The following ADCY8 variants were observed in gnomAD, a reference collection of about 807,000 sequenced individuals.
ADCY8 encodes adenylate cyclase 8.
Under a neutral mutation model 119.7 loss-of-function variants are expected in ADCY8, and 51 were observed. That is an observed-to-expected ratio of 0.43 (90% CI 0.34 to 0.54). ADCY8 has a LOEUF of 0.54. Among genes scored for constraint, ADCY8 ranks in the 20% least tolerant of loss-of-function variants. The pLI is 0.03. For missense variants in ADCY8, 1,383 were observed against 1,598.8 expected (o/e 0.87, Z 2.30); for synonymous variants, 665 against 651.0 (o/e 1.02, Z -0.33).
chr8:130,897,871 A>G (rs1819457665), intron 7 of ADCY8, among the ~76,000 whole-genome samples: 1 of 151,258 alleles, frequency 6.6e-6, no homozygotes, highest in South Asian at 2.1e-4. Flanking sequence ...AACACCACAC[A>G]CATACACCAC....
rs554716130 is a variant in ADCY8 at position 130,856,095 on chromosome 8, C to T, written c.2211-6292G>A. The stretch of plus-strand genomic sequence containing the variant: ...ATCCTTCTCAGTCTTTTTCCATGAC[C>T]TGGTGAGCTCCTTTAGGAGCCAGGT... On this transcript the variant is annotated intron_variant, in intron 9 of 17. Coordinates refer to ENST00000286355, the MANE Select transcript of ADCY8 (RefSeq NM_001115.3). 1.8e-4 allele frequency among the ~76,000 whole-genome samples: 27 copies of T among 152,116 alleles called. No homozygotes were observed. The South Asian group carries it at 5.6e-3, about 32-fold the overall frequency.
intron 6 of ADCY8, among the ~76,000 whole-genome samples, chr8:130,908,999 C>CTTTT (rs1367753893): frequency 1.6e-4 from 24 of 150,108 alleles, no homozygotes; most frequent in Non-Finnish European, 3.3e-4. Flanking sequence ...CTCTCTCTCT[C>CTTTT]TCTCTCTCTC....
chr8:130,981,993 A>G (rs1308612999), intron 2 of ADCY8, among the ~76,000 whole-genome samples: 2 of 152,236 alleles, frequency 1.3e-5, no homozygotes, highest in Non-Finnish European at 2.9e-5. Flanking sequence ...GTGTACACAC[A>G]GTCACCCAGA....
chr8:130,924,060 G>A (rs1820391472), intron 5 of ADCY8, among the ~76,000 whole-genome samples: 1 of 152,222 alleles, frequency 6.6e-6, no homozygotes, highest in African/African-American at 2.4e-5. Flanking sequence ...TCAGGCATCA[G>A]TAGCAATTGC....
chr8:130,822,501 T>A (rs967111965), intron 12 of ADCY8, among the ~76,000 whole-genome samples: 1 of 152,016 alleles, frequency 6.6e-6, no homozygotes, highest in South Asian at 2.1e-4. Flanking sequence ...GAGTCATCCA[T>A]CCATTCATGA....
rs1440249482 is a variant in ADCY8 at position 130,844,955 on chromosome 8, T to G, written c.2502+2469A>C. Among the ~76,000 whole-genome samples the G allele has an allele frequency of 2.0e-5, 3 of 152,228 alleles. No individual in the cohort carries two copies. In the East Asian group the frequency reaches 5.8e-4, roughly 29 times the overall value. The stretch of plus-strand genomic sequence containing the variant: ...TACAGGTGTTTGACGATAACATACA[T>G]TGGCATTACATGCTCAAAGCCCTTT... On this transcript the variant is annotated intron_variant, in intron 11 of 17. Transcript: ENST00000286355.
At chr8:130,924,350 A>G (rs937700056) in intron 5 of ADCY8, among the ~76,000 whole-genome samples, 3 of 152,216 alleles carry the variant, frequency 2.0e-5, no homozygotes, top group Non-Finnish European at 4.4e-5. Context: ...CTGCTTATCC[A>G]TGAAGAACAG....
intron 3 of ADCY8, among the ~76,000 whole-genome samples, chr8:130,945,536 G>A (rs1182097479): frequency 6.6e-6 from 1 of 152,196 alleles, no homozygotes; most frequent in Non-Finnish European, 1.5e-5. Flanking sequence ...GGAGATAACT[G>A]GCATACTTGC....
At chr8:130,841,265 G>T (rs1200478317) in intron 11 of ADCY8, among the ~76,000 whole-genome samples, 2 of 152,148 alleles carry the variant, frequency 1.3e-5, no homozygotes, top group African/African-American at 4.8e-5. Context: ...ATGACCCAAG[G>T]ACAGGTATTA....
chr8:130,980,712 C>T (rs1485309276), intron 2 of ADCY8, among the ~76,000 whole-genome samples: 1 of 152,088 alleles, frequency 6.6e-6, no homozygotes, highest in Non-Finnish European at 1.5e-5. Flanking sequence ...ATGGTTTTGC[C>T]CTATGCCAGA....
At chr8:130,833,504 G>A (rs1019680365) in intron 12 of ADCY8, among the ~76,000 whole-genome samples, 1 of 152,096 alleles carries the variant, frequency 6.6e-6, no homozygotes. Flanking sequence ...TGTGGTATAC[G>A]AACACAATGG....
rs1468156556 is a variant in ADCY8 at position 130,780,471 on chromosome 8, G to T, written c.3675C>A (p.Tyr1225Ter). 1.2e-6 allele frequency: 2 copies of T among 1,613,912 alleles called. No individual in the cohort carries two copies. Among genetic ancestry groups the T allele is most frequent in the African/African-American group, 1.3e-5 (1 of 74,990 alleles). ...TGGGTGACAACAAAGTCCGCCGGTT[G>T]TAATGACCCTTGATGATTCCTGTGT... ...NNNTGIIKGH[Y>*]NRRTLLSPSG... The change falls in exon 18 of 18, where the codon TAC (tyrosine) becomes TAA (stop). Residue 1225 changes from tyrosine to a stop codon, truncating the protein, a stop_gained. Transcript: ENST00000286355. LOFTEE classifies it high-confidence loss of function.
chr8:130,848,437 T>C (rs1013421863), intron 10 of ADCY8, among the ~76,000 whole-genome samples: 1 of 152,250 alleles, frequency 6.6e-6, no homozygotes, highest in Non-Finnish European at 1.5e-5. Flanking sequence ...CATTAGATGA[T>C]GAACTAAATT....
chr8:130,817,528 AGT>A (rs1816385200), intron 13 of ADCY8, among the ~76,000 whole-genome samples: 1 of 152,232 alleles, frequency 6.6e-6, no homozygotes, highest in Non-Finnish European at 1.5e-5. Context: ...GGAAACCAGG[AGT>A]CTATCAGAGA....
intron 5 of ADCY8, among the ~76,000 whole-genome samples, chr8:130,924,931 G>T (rs1820416272): frequency 1.3e-5 from 2 of 151,910 alleles, no homozygotes; most frequent in African/African-American, 4.8e-5. Context: ...TCAAGCGTCC[G>T]GGCACGGTGG....
chr8:130,961,499 T>G (rs1430861759), intron 2 of ADCY8, among the ~76,000 whole-genome samples: 1 of 152,044 alleles, frequency 6.6e-6, no homozygotes, highest in Non-Finnish European at 1.5e-5. Context: ...CTCTCCCCAG[T>G]TGTTCACAGC....
At chr8:131,025,816 C>A (rs1192572816) in intron 1 of ADCY8, among the ~76,000 whole-genome samples, 2 of 152,210 alleles carry the variant, frequency 1.3e-5, no homozygotes, top group African/African-American at 4.8e-5. Context: ...AAGCTTTGTA[C>A]CCTGGATGCC....
At chr8:130,801,953 A>C (rs1815794454) in intron 14 of ADCY8, among the ~76,000 whole-genome samples, 1 of 105,212 alleles carries the variant, frequency 9.5e-6, no homozygotes, top group Non-Finnish European at 1.8e-5. Context: ...GGTGATTGCT[A>C]TGGTTCTGTC....
At chr8:130,886,949 T>C (rs1819008084) in intron 7 of ADCY8, among the ~76,000 whole-genome samples, 2 of 151,254 alleles carry the variant, frequency 1.3e-5, no homozygotes, top group African/African-American at 4.8e-5. Flanking sequence ...CCACAGCTCT[T>C]TAATATGACC....
Sources: gnomAD v4.1 joint callset for allele counts (sites outside exome capture counted in the v4.1 genomes callset) on GRCh38, gnomAD v4.1.1 for gene constraint, MANE v1.5 for transcripts, NCBI Gene and HGNC (gene_info 2026-07-23, HGNC 2026-07-21) for gene names.